Variants in NTM observed in about 807,000 individuals in gnomAD.
NTM encodes the protein IgLON family member 2.
Under a neutral mutation model 42.1 loss-of-function variants are expected in NTM, and 13 were observed. The ratio of observed to expected loss-of-function variants is 0.31; its 90% CI spans 0.20 to 0.49. NTM has a LOEUF of 0.49. Ranked by LOEUF, NTM falls within the 20% of genes least tolerant of loss-of-function variation. NTM has a pLI of 0.99. For missense variants in NTM, 373 were observed against 452.8 expected (o/e 0.82, Z 1.60); for synonymous variants, 187 against 179.2 (o/e 1.04, Z -0.35).
At chr11:131,819,223 G>A (rs79910071) in intron 1 of NTM, among the ~76,000 whole-genome samples, 5,702 of 152,194 alleles carry the variant, frequency 0.037, 322 homozygotes, top group African/African-American at 0.13. Flanking sequence ...GGGAGACCTT[G>A]TAGTTCAAAG....
intron 8 of NTM, chr11:132,332,885 T>C (rs1467819217): frequency 1.3e-5 from 2 of 152,228 alleles, no homozygotes; most frequent in African/African-American, 4.8e-5. Context: ...AACACCTCAG[T>C]GCAGGGAAGC....
intron 4 of NTM, among the ~76,000 whole-genome samples, chr11:132,221,882 T>C (rs1216576706): frequency 6.6e-6 from 1 of 152,176 alleles, no homozygotes; most frequent in Non-Finnish European, 1.5e-5. Context: ...ACTTTTTGAC[T>C]CCAAAATCCA....
At chr11:131,528,337 GCACT>G (rs933457358) in intron 1 of NTM, among the ~76,000 whole-genome samples, 30 of 150,630 alleles carry the variant, frequency 2.0e-4, no homozygotes, top group African/African-American at 6.9e-4. Context: ...CATTTATTAA[GCACT>G]TACTTTGTGT....
intron 1 of NTM, among the ~76,000 whole-genome samples, chr11:131,483,756 GC>G (rs2136248912): frequency 6.6e-6 from 1 of 152,340 alleles, no homozygotes; most frequent in East Asian, 1.9e-4. Flanking sequence ...GCTGGCCTCT[GC>G]CCCTGCCTAG....
At chr11:131,637,270 G>C (rs568764919) in intron 1 of NTM, among the ~76,000 whole-genome samples, 31 of 152,034 alleles carry the variant, frequency 2.0e-4, no homozygotes, top group Non-Finnish European at 4.4e-4. Context: ...TGGAAGGCCA[G>C]AGTCACCCTC....
chr11:131,493,257 G>A (rs1372597333), intron 1 of NTM, among the ~76,000 whole-genome samples: 2 of 151,952 alleles, frequency 1.3e-5, no homozygotes, highest in Non-Finnish European at 1.5e-5. Context: ...CAAATTAGAA[G>A]TATTTATGAA....
rs529955963 is a variant in NTM, at chr11:131,649,548, C to CAT, written c.83-262015_83-262014insTA. Among the ~76,000 whole-genome samples, 76 of 152,224 alleles carry CAT rather than the reference C, an allele frequency of 5.0e-4. 1 individual carries two copies. Among genetic ancestry groups the CAT allele is most frequent in the African/African-American group, 1.7e-3 (72 of 41,534 alleles). ...CTGAAATAAGCCATAAAACTCATTA[C>CAT]AAGATAACAAGATTCTATCTATTCT... On this transcript the variant is annotated intron_variant, in intron 1 of 8. Coordinates refer to ENST00000683400, the MANE Select transcript of NTM (RefSeq NM_001352005.2).
At chr11:131,576,669 A>T (rs907010601) in intron 1 of NTM, among the ~76,000 whole-genome samples, 2 of 152,240 alleles carry the variant, frequency 1.3e-5, no homozygotes, top group Non-Finnish European at 1.5e-5. Context: ...AGGAGAGCTC[A>T]TGAGAATAGT....
At chr11:131,613,816 C>T (rs2061663799) in intron 1 of NTM, among the ~76,000 whole-genome samples, 1 of 152,138 alleles carries the variant, frequency 6.6e-6, no homozygotes, top group African/African-American at 2.4e-5. Context: ...ATGCCCCACT[C>T]TCCTAAAGCT....
intron 4 of NTM, among the ~76,000 whole-genome samples, chr11:132,244,468 A>G (rs2090741625): frequency 6.6e-6 from 1 of 152,200 alleles, no homozygotes; most frequent in Non-Finnish European, 1.5e-5. Flanking sequence ...TGGGTCTACC[A>G]ATCTTCATTT....
At chr11:131,702,296 C>T (rs1592624613) in intron 1 of NTM, among the ~76,000 whole-genome samples, 2 of 152,160 alleles carry the variant, frequency 1.3e-5, no homozygotes, top group Admixed American at 6.5e-5. Context: ...GATGAAGTGC[C>T]GATTCTTAAA....
chr11:131,710,968 T>C (rs184808776), intron 1 of NTM, among the ~76,000 whole-genome samples: 133 of 152,178 alleles, frequency 8.7e-4, no homozygotes, highest in Non-Finnish European at 1.7e-3. Flanking sequence ...ACTGGTTTGC[T>C]TCTCTCCAAG....
chr11:131,690,797 G>A (rs948484625), intron 1 of NTM, among the ~76,000 whole-genome samples: 1 of 152,236 alleles, frequency 6.6e-6, no homozygotes, highest in Admixed American at 6.5e-5. Flanking sequence ...TTGGGATCAT[G>A]GAGCAGAGCC....
intron 1 of NTM, among the ~76,000 whole-genome samples, chr11:131,570,935 T>C (rs2057385888): frequency 6.6e-6 from 1 of 152,222 alleles, no homozygotes; most frequent in Non-Finnish European, 1.5e-5. Flanking sequence ...CCCCTGGCTC[T>C]CCAGAGGGAA....
At chr11:131,723,727 G>A (rs1490705405) in intron 1 of NTM, among the ~76,000 whole-genome samples, 1 of 152,130 alleles carries the variant, frequency 6.6e-6, no homozygotes, top group Non-Finnish European at 1.5e-5. Context: ...TGCTTCTTGT[G>A]TCTTTCCTTT....
chr11:131,666,184 C>G (rs1434008122), intron 1 of NTM, among the ~76,000 whole-genome samples: 2 of 152,164 alleles, frequency 1.3e-5, no homozygotes, highest in Non-Finnish European at 2.9e-5. Context: ...GGTCAAGTGA[C>G]TGAGTGAGGC....
chr11:131,789,476 AAGAAGAAGAAGAAGAGG>A (rs2090010742), intron 1 of NTM, among the ~76,000 whole-genome samples: 1 of 12,624 alleles, frequency 7.9e-5, no homozygotes, highest in Non-Finnish European at 1.6e-4. Context: ...GAAGAAGAAG[AAGAAGAAGAAGAAGAGG>A]AAAGAAGAAG....
At chr11:131,749,194 A>G (rs575936706) in intron 1 of NTM, among the ~76,000 whole-genome samples, 12 of 152,334 alleles carry the variant, frequency 7.9e-5, no homozygotes, top group African/African-American at 1.7e-4. Flanking sequence ...AGTGATCAGG[A>G]GTGTGGCAGT....
At chr11:131,840,872 C>G (rs2044149428) in intron 1 of NTM, among the ~76,000 whole-genome samples, 1 of 151,946 alleles carries the variant, frequency 6.6e-6, no homozygotes, top group African/African-American at 2.4e-5. Context: ...GGCCATCGGG[C>G]AAATCTGAGA....
Sources: allele counts gnomAD v4.1 joint callset (sites outside exome capture counted in the v4.1 genomes callset), GRCh38; gene constraint gnomAD v4.1.1; transcripts MANE v1.5; gene names NCBI Gene and HGNC (gene_info 2026-07-23, HGNC 2026-07-21).